The following PHLPP2 variants were observed in gnomAD, a reference collection of about 807,000 sequenced individuals.
The protein encoded by PHLPP2 is PH domain and leucine rich repeat protein phosphatase 2.
PHLPP2 carries 66 observed loss-of-function variants against 124.9 expected under a neutral mutation model. The ratio of observed to expected loss-of-function variants is 0.53; its 90% CI spans 0.43 to 0.65. The LOEUF (loss-of-function observed/expected upper bound fraction) is 0.65. Ranked by LOEUF, PHLPP2 falls within the 30% of genes least tolerant of loss-of-function variation. PHLPP2 has a pLI of 0.00. For synonymous variants in PHLPP2, 681 were observed against 624.7 expected, an observed-to-expected ratio of 1.09 and a Z score of -1.34; for missense variants, 1,685 against 1,600.4, an observed-to-expected ratio of 1.05 and a Z score of -0.90.
chr16:71,684,447 C>G (rs774355692), intron 5 of PHLPP2, 29 bp downstream of exon 5: 2 of 1,612,286 alleles, frequency 1.2e-6, no homozygotes, highest in African/African-American at 1.3e-5. Context: ...ATTCTTATCT[C>G]CACATCAGAA....
intron 1 of PHLPP2, among the ~76,000 whole-genome samples, chr16:71,722,188 T>C (rs1427348220): frequency 6.6e-6 from 1 of 152,028 alleles, no homozygotes; most frequent in Non-Finnish European, 1.5e-5. Flanking sequence ...TTCCAACACT[T>C]CGGGAGGCCA....
chr16:71,720,560 A>T (rs1169406862), intron 1 of PHLPP2, among the ~76,000 whole-genome samples: 1 of 152,192 alleles, frequency 6.6e-6, no homozygotes, highest in African/African-American at 2.4e-5. Context: ...ATATTCAGTT[A>T]GTTCTGCAAG....
At chr16:71,687,519 T>C (rs912431437) in intron 4 of PHLPP2, among the ~76,000 whole-genome samples, 2 of 152,206 alleles carry the variant, frequency 1.3e-5, no homozygotes, top group Admixed American at 6.5e-5. Context: ...TGATTACTGA[T>C]ATATTCGGAT....
Position 71,655,244 on chromosome 16 carries a change from G to C in PHLPP2, c.2581C>G (p.His861Asp), listed in dbSNP as rs758916211. Reference sequence around the variant, plus strand: ...TTTTTCAACCCACCTGCTTACCTGTGAGATACCAAGAAGGTGTTAGCCATG... The same window carrying C: ...TTTTTCAACCCACCTGCTTACCTGTCAGATACCAAGAAGGTGTTAGCCATG... ...VFMANTFLVSHRKLGMAGQKL... is the reference protein window; with the variant it reads ...VFMANTFLVSDRKLGMAGQKL... The change falls in exon 17 of 19, where the codon CAC becomes GAC. Residue 861 changes from histidine to aspartate, a missense_variant. Physicochemically the swap from His to Asp is moderately conservative, Grantham distance 81. Transcript: ENST00000568954. 1.9e-6 allele frequency: 3 copies of C among 1,606,412 alleles called. No individual in the cohort carries two copies. Among genetic ancestry groups the C allele is most frequent in the Non-Finnish European group, 2.6e-6 (3 of 1,173,068 alleles).
intron 17 of PHLPP2, 97 bp downstream of exon 17, chr16:71,655,143 T>A: frequency 1.3e-6 from 1 of 793,658 alleles, no homozygotes; most frequent in Non-Finnish European, 2.2e-6. Flanking sequence ...CTCTCCTTGA[T>A]CCTGTATCCA....
chr16:71,659,430 T>C (rs1415191506), intron 13 of PHLPP2, among the ~76,000 whole-genome samples: 1 of 152,058 alleles, frequency 6.6e-6, no homozygotes, highest in East Asian at 1.9e-4. Flanking sequence ...TGTGTATTTT[T>C]AGTAGAGACA....
chr16:71,714,108 T>C (rs2045341680), intron 2 of PHLPP2, among the ~76,000 whole-genome samples: 1 of 151,776 alleles, frequency 6.6e-6, no homozygotes, highest in East Asian at 1.9e-4. Context: ...CCTGGCTAAT[T>C]TTTATATTTT....
intron 9 of PHLPP2, 79 bp downstream of exon 9, chr16:71,676,368 C>T: frequency 9.0e-7 from 1 of 1,111,116 alleles, no homozygotes; most frequent in Non-Finnish European, 1.3e-6. Context: ...GGCTGAGGAA[C>T]ACCACAGGTG....
At chr16:71,669,588 T>C (rs1010942242) in intron 10 of PHLPP2, among the ~76,000 whole-genome samples, 35 of 152,222 alleles carry the variant, frequency 2.3e-4, no homozygotes, top group African/African-American at 8.4e-4. Flanking sequence ...AAATGTATAA[T>C]ACTGGATCAA....
intron 1 of PHLPP2, among the ~76,000 whole-genome samples, chr16:71,716,000 A>C (rs1261066438): frequency 6.6e-6 from 1 of 152,026 alleles, no homozygotes; most frequent in Non-Finnish European, 1.5e-5. Context: ...TCAAAAAAAA[A>C]AAAAAAACTT....
intron 1 of PHLPP2, among the ~76,000 whole-genome samples, chr16:71,719,374 A>T (rs1284464444): frequency 1.3e-5 from 2 of 152,048 alleles, no homozygotes; most frequent in Non-Finnish European, 2.9e-5. Context: ...CGTCTCTATT[A>T]AAAATACAGA....
intron 3 of PHLPP2, among the ~76,000 whole-genome samples, chr16:71,700,528 T>TC (rs2145366990): frequency 7.3e-6 from 1 of 137,732 alleles, no homozygotes; most frequent in Admixed American, 7.2e-5. Context: ...TCTTTTTTTT[T>TC]TTTTTTTTTT....
intron 4 of PHLPP2, 125 bp downstream of exon 4, chr16:71,690,394 A>C (rs192294664): frequency 1.2e-5 from 8 of 694,800 alleles, no homozygotes; most frequent in Non-Finnish European, 2.0e-5. Flanking sequence ...TCTCTGATAT[A>C]ATCTTTAATA....
intron 1 of PHLPP2, chr16:71,723,784 C>T (rs2045414684): frequency 6.1e-6 from 8 of 1,316,544 alleles, no homozygotes; most frequent in Non-Finnish European, 6.8e-6. Context: ...GGACCCGGAT[C>T]CCTCCCGGCC....
At chr16:71,658,632 C>A in intron 14 of PHLPP2, 21 bp downstream of exon 14, 1 of 1,608,202 alleles carries the variant, frequency 6.2e-7, no homozygotes, top group South Asian at 1.1e-5. Flanking sequence ...ATAAGGACAT[C>A]ATTCCAGCAC....
chr16:71,684,504 T>A lies in PHLPP2; in HGVS notation c.707A>T (p.Tyr236Phe). 1 of 1,614,024 alleles carries A rather than the reference T, an allele frequency of 6.2e-7. No individual in the cohort carries two copies. Among genetic ancestry groups the A allele is most frequent in the East Asian group, 2.2e-5 (1 of 44,854 alleles). Residue 236 changes from tyrosine (Y) to phenylalanine (F), a missense_variant, in exon 5 of 19, where the codon TAC (tyrosine) becomes TTC (phenylalanine). Tyr to Phe is a conservative substitution (Grantham distance 22). Transcript: ENST00000568954. Reference sequence around the variant, plus strand: ...GGATGCTTGCCGTTGCCATCGCTGGTACTCGGCCAAAGTCTCGAAGCTGAC... The same window carrying A: ...GGATGCTTGCCGTTGCCATCGCTGGAACTCGGCCAAAGTCTCGAAGCTGAC... ...YHVSFETLAEYQRWQRQASKV... is the reference protein window; with the variant it reads ...YHVSFETLAEFQRWQRQASKV...
chr16:71,667,223 T>G lies in PHLPP2; in HGVS notation c.1739A>C (p.Asn580Thr), dbSNP rs145404522. ...GGTGTCTGGCAGCCTCGTGAGTGCA[T>G]TATGCTGAAGATCCAGCACCTCGAG... is the stretch of plus-strand genomic sequence containing the variant. ...IPLEVLDLQH[N>T]ALTRLPDTLF... Residue 580 changes from asparagine (N) to threonine (T), a missense_variant, in exon 12 of 19, where the codon AAT becomes ACT. Transcript: ENST00000568954. The G allele has an allele frequency of 1.2e-6, 2 of 1,613,892 alleles. No individual in the cohort carries two copies. Among genetic ancestry groups the G allele is most frequent in the Non-Finnish European group, 1.7e-6 (2 of 1,179,878 alleles).
intron 5 of PHLPP2, among the ~76,000 whole-genome samples, chr16:71,682,470 A>T (rs1050722629): frequency 1.3e-5 from 2 of 152,144 alleles, no homozygotes; most frequent in Admixed American, 1.3e-4. Context: ...GGCGTGAGTC[A>T]CAGCACCCGG....
intron 8 of PHLPP2, chr16:71,678,543 G>A: frequency 1.9e-6 from 1 of 519,776 alleles, no homozygotes; most frequent in South Asian, 2.3e-5. Flanking sequence ...GGGAGGCTGA[G>A]GTGGGAGAAT....
Sources: gnomAD v4.1 joint callset for allele counts (sites outside exome capture counted in the v4.1 genomes callset) on GRCh38, gnomAD v4.1.1 for gene constraint, MANE v1.5 for transcripts, NCBI Gene and HGNC (gene_info 2026-07-23, HGNC 2026-07-21) for gene names.